Variants in PHKB observed in about 807,000 individuals in gnomAD.
PHKB encodes the protein phosphorylase b kinase regulatory subunit beta.
A neutral mutation model predicts 152.1 loss-of-function variants in PHKB; 122 were observed. The observed-to-expected ratio is 0.80, with a 90% CI of 0.69 to 0.93. PHKB has a LOEUF of 0.93. PHKB is among the 40% of genes least tolerant of loss of function. The probability of loss-of-function intolerance (pLI) is 0.00; values close to 1 mark genes in which losing one functional copy is unlikely to be tolerated. For missense variants in PHKB, 1,304 were observed against 1,328.4 expected (o/e 0.98, Z 0.29); for synonymous variants, 436 against 464.9 (o/e 0.94, Z 0.80).
intron 18 of PHKB, 59 bp downstream of exon 18, chr16:47,649,263 T>C (rs1973191420): frequency 2.2e-6 from 2 of 923,788 alleles, no homozygotes; most frequent in Admixed American, 1.7e-5. Context: ...GATTTTATCA[T>C]ATGTTACTAT....
At position 47,701,472 on chromosome 16, in the gene PHKB, T is replaced by G. The variant is rs1974245921; in HGVS notation, c.*2106T>G. The G allele has an allele frequency of 6.6e-6, 1 of 152,220 alleles. No homozygotes were observed. The highest frequency in any genetic ancestry group is 2.4e-5 in the African/African-American group (1 of 41,460). The allele number at this position is 152,220 out of a possible 1,614,324, so 9.4% of individuals were successfully genotyped here. The stretch of plus-strand genomic sequence containing the variant: ...ACTTCATGCTTTGAGATTCAAAATT[T>G]ATTGTTCTGAAAGTTATATTTAGAA... On this transcript the variant is annotated 3_prime_UTR_variant, in exon 31 of 31. Transcript: ENST00000323584.
intron 14 of PHKB, among the ~76,000 whole-genome samples, chr16:47,634,597 G>A (rs1972884392): frequency 6.6e-6 from 1 of 152,232 alleles, no homozygotes; most frequent in Admixed American, 6.5e-5. Context: ...TGGCCATGGT[G>A]GAGAGAGGAG....
At chr16:47,632,452 A>G (rs1972844565) in intron 14 of PHKB, among the ~76,000 whole-genome samples, 2 of 152,230 alleles carry the variant, frequency 1.3e-5, no homozygotes, top group Non-Finnish European at 2.9e-5. Flanking sequence ...ATGATATACA[A>G]TTATTAACTA....
At chr16:47,593,194 A>G (rs1403400152) in intron 10 of PHKB, among the ~76,000 whole-genome samples, 1 of 133,256 alleles carries the variant, frequency 7.5e-6, no homozygotes, top group South Asian at 2.9e-4. Flanking sequence ...AGGGAGGGAG[A>G]GAGAGAGAGA....
At chr16:47,598,984 T>C in intron 13 of PHKB, 2 of 1,116,410 alleles carry the variant, frequency 1.8e-6, no homozygotes, top group South Asian at 1.3e-5. Context: ...GCCAGTGGTC[T>C]TCTTCAGCAC....
At chr16:47,500,038 T>A in intron 3 of PHKB, 144 bp downstream of exon 3, 1 of 877,680 alleles carries the variant, frequency 1.1e-6, no homozygotes, top group Non-Finnish European at 1.8e-6. Flanking sequence ...TTTAGGCCTC[T>A]AAACCTTTTC....
intron 1 of PHKB, among the ~76,000 whole-genome samples, chr16:47,495,883 T>G (rs1353867857): frequency 6.6e-6 from 1 of 152,206 alleles, no homozygotes; most frequent in East Asian, 1.9e-4. Context: ...AATACTCTTG[T>G]AAGAAAATCT....
chr16:47,654,953 TAAAAA>T (rs909967016), intron 20 of PHKB, among the ~76,000 whole-genome samples: 1 of 151,206 alleles, frequency 6.6e-6, no homozygotes, highest in East Asian at 1.9e-4. Context: ...TAAAATATAA[TAAAAA>T]AATAAATAAA....
chr16:47,536,313 A>C (rs1970951185), intron 6 of PHKB, among the ~76,000 whole-genome samples: 1 of 152,102 alleles, frequency 6.6e-6, no homozygotes, highest in Non-Finnish European at 1.5e-5. Flanking sequence ...AGCCTCCCAA[A>C]GTGCTGGGAT....
intron 7 of PHKB, among the ~76,000 whole-genome samples, chr16:47,554,103 G>A (rs1296737709): frequency 2.0e-5 from 3 of 152,224 alleles, no homozygotes; most frequent in African/African-American, 4.8e-5. Flanking sequence ...GGACGTTTAA[G>A]TCTGCTGAAG....
chr16:47,650,973 A>G, intron 20 of PHKB, 52 bp downstream of exon 20: 1 of 1,212,020 alleles, frequency 8.3e-7, no homozygotes, highest in African/African-American at 1.5e-5. Context: ...TTAATCTACA[A>G]TACAGCTATG....
chr16:47,486,346 C>T (rs1036736091), intron 1 of PHKB, among the ~76,000 whole-genome samples: 3 of 152,072 alleles, frequency 2.0e-5, no homozygotes, highest in Admixed American at 6.5e-5. Flanking sequence ...CTTGTCCTTT[C>T]GCTAGTTTGT....
chr16:47,469,825 A>G (rs1969733690), intron 1 of PHKB, among the ~76,000 whole-genome samples: 2 of 152,334 alleles, frequency 1.3e-5, no homozygotes, highest in South Asian at 4.1e-4. Flanking sequence ...AATTGTGTCT[A>G]ATGTTTTGCA....
At chr16:47,611,161 T>C (rs187885601) in intron 14 of PHKB, among the ~76,000 whole-genome samples, 10 of 152,262 alleles carry the variant, frequency 6.6e-5, no homozygotes, top group Admixed American at 6.5e-4. Flanking sequence ...ATGTTGAGTT[T>C]AAGGTGTCAA....
intron 6 of PHKB, among the ~76,000 whole-genome samples, chr16:47,538,838 G>A (rs960881074): frequency 2.0e-5 from 3 of 152,090 alleles, no homozygotes; most frequent in African/African-American, 7.2e-5. Context: ...AAAGTTTCTG[G>A]TCTACTGATG....
intron 28 of PHKB, 136 bp from the exon 29 acceptor site, chr16:47,696,245 A>T: frequency 1.4e-6 from 1 of 700,132 alleles, no homozygotes; most frequent in Non-Finnish European, 2.6e-6. Context: ...TATAAAATCC[A>T]GTTGTGTAGC....
chr16:47,674,441 A>G (rs1192856504), intron 26 of PHKB, among the ~76,000 whole-genome samples: 1 of 152,152 alleles, frequency 6.6e-6, no homozygotes, highest in Non-Finnish European at 1.5e-5. Context: ...TTAAGACGCT[A>G]TGAAAAGTTC....
intron 1 of PHKB, among the ~76,000 whole-genome samples, chr16:47,466,921 G>C (rs1369044770): frequency 6.6e-6 from 1 of 151,932 alleles, no homozygotes; most frequent in Admixed American, 6.6e-5. Flanking sequence ...GTGTACATTT[G>C]GTGTTCACGT....
chr16:47,663,801 A>G, intron 24 of PHKB, 67 bp downstream of exon 24: 2 of 908,520 alleles, frequency 2.2e-6, no homozygotes, highest in Non-Finnish European at 3.7e-6. Flanking sequence ...CCTAAAGAAA[A>G]TGGACCAATA....
Sources: allele counts gnomAD v4.1 joint callset (sites outside exome capture counted in the v4.1 genomes callset), GRCh38; gene constraint gnomAD v4.1.1; transcripts MANE v1.5; gene names NCBI Gene and HGNC (gene_info 2026-07-23, HGNC 2026-07-21).